MGAT4C: variants seen among roughly 807,000 people sequenced by gnomAD.
MGAT4C encodes alpha-1,3-mannosyl-glycoprotein 4-beta-N-acetylglucosaminyltransferase C.
Under a neutral mutation model 40.1 loss-of-function variants are expected in MGAT4C, and 19 were observed. The ratio of observed to expected loss-of-function variants is 0.47; its 90% CI spans 0.33 to 0.70. The LOEUF is 0.70. Among genes scored for constraint, MGAT4C ranks in the 30% least tolerant of loss-of-function variants. The probability of loss-of-function intolerance (pLI) is 0.02; values close to 1 mark genes in which losing one functional copy is unlikely to be tolerated. For missense variants in MGAT4C, 491 were observed against 563.2 expected (o/e 0.87, Z 1.30); for synonymous variants, 181 against 187.1 (o/e 0.97, Z 0.27).
chr12:86,584,748 G>A (rs10047643), intron 2 of MGAT4C, among the ~76,000 whole-genome samples: 128,633 of 151,140 alleles, frequency 0.85, 55,274 homozygotes, highest in East Asian at 0.96. Context: ...TTATTGGAAA[G>A]GTTATGATTG....
At chr12:86,645,659 C>T (rs1396593923) in intron 2 of MGAT4C, among the ~76,000 whole-genome samples, 2 of 151,754 alleles carry the variant, frequency 1.3e-5, no homozygotes, top group African/African-American at 4.8e-5. Flanking sequence ...TCTCATAAAT[C>T]TGTTTTAAAA....
intron 1 of MGAT4C, among the ~76,000 whole-genome samples, chr12:86,130,451 T>C (rs957501576): frequency 6.6e-6 from 1 of 151,980 alleles, no homozygotes; most frequent in African/African-American, 2.4e-5. Context: ...CTAGGAAAAA[T>C]AATATCTGTA....
intron 1 of MGAT4C, among the ~76,000 whole-genome samples, chr12:86,787,163 TC>T (rs1951943535): frequency 6.6e-6 from 1 of 152,078 alleles, no homozygotes; most frequent in Non-Finnish European, 1.5e-5. Flanking sequence ...CCTCACACCC[TC>T]CCACTAGTCT....
At chr12:86,572,198 A>C (rs937551710) in intron 2 of MGAT4C, among the ~76,000 whole-genome samples, 1 of 152,130 alleles carries the variant, frequency 6.6e-6, no homozygotes, top group Non-Finnish European at 1.5e-5. Context: ...TTAAACTAAA[A>C]ATGGGAATAC....
At chr12:86,757,787 C>T (rs1212415294) in intron 1 of MGAT4C, among the ~76,000 whole-genome samples, 1 of 152,148 alleles carries the variant, frequency 6.6e-6, no homozygotes, top group East Asian at 1.9e-4. Flanking sequence ...ACTTTGACCT[C>T]AAGGCACTGA....
chr12:86,054,319 A>G (rs957115092), intron 1 of MGAT4C, among the ~76,000 whole-genome samples: 1 of 152,066 alleles, frequency 6.6e-6, no homozygotes, highest in African/African-American at 2.4e-5. Flanking sequence ...ACCAAGCACA[A>G]AGAGACAGAT....
chr12:86,371,079 T>C (rs1955705928), intron 3 of MGAT4C, among the ~76,000 whole-genome samples: 1 of 152,030 alleles, frequency 6.6e-6, no homozygotes, highest in African/African-American at 2.4e-5. Flanking sequence ...ATTAATAAAA[T>C]TGTAAAAGGT....
intron 1 of MGAT4C, among the ~76,000 whole-genome samples, chr12:86,753,299 A>C (rs1593174838): frequency 1.3e-5 from 2 of 152,154 alleles, no homozygotes; most frequent in South Asian, 2.1e-4. Flanking sequence ...GCTACAAAGA[A>C]AAGCCTGAGC....
chr12:86,325,926 G>A (rs1265713798), intron 4 of MGAT4C, among the ~76,000 whole-genome samples: 1 of 151,858 alleles, frequency 6.6e-6, no homozygotes, highest in Non-Finnish European at 1.5e-5. Context: ...TCCCTATACA[G>A]TCATTTTTAT....
chr12:86,112,541 G>T (rs779955910), intron 1 of MGAT4C, among the ~76,000 whole-genome samples: 1 of 151,536 alleles, frequency 6.6e-6, no homozygotes, highest in Non-Finnish European at 1.5e-5. Context: ...CTCTTATTGT[G>T]CTCACCACTG....
At chr12:86,646,993 T>C (rs1304620782) in intron 2 of MGAT4C, among the ~76,000 whole-genome samples, 1 of 151,922 alleles carries the variant, frequency 6.6e-6, no homozygotes, top group Non-Finnish European at 1.5e-5. Flanking sequence ...TGGTTGCTCA[T>C]CAGTGCTTGG....
At chr12:86,622,416 G>A (rs1036805672) in intron 2 of MGAT4C, among the ~76,000 whole-genome samples, 26 of 152,144 alleles carry the variant, frequency 1.7e-4, no homozygotes, top group African/African-American at 6.3e-4. Context: ...GTCATAGAAA[G>A]TCTCATGTGA....
At chr12:86,701,055 T>C (rs780831803) in intron 2 of MGAT4C, among the ~76,000 whole-genome samples, 1 of 152,124 alleles carries the variant, frequency 6.6e-6, no homozygotes, top group Admixed American at 6.5e-5. Context: ...AGATCTTAAA[T>C]AGAAACCTAG....
At chr12:85,984,741 T>C (rs951199603) in intron 3 of MGAT4C, among the ~76,000 whole-genome samples, 1 of 152,078 alleles carries the variant, frequency 6.6e-6, no homozygotes, top group African/African-American at 2.4e-5. Context: ...TCTTTTTTTT[T>C]CTCAAAATGT....
intron 2 of MGAT4C, among the ~76,000 whole-genome samples, chr12:86,535,637 C>A (rs1429106707): frequency 2.0e-5 from 3 of 152,002 alleles, no homozygotes; most frequent in Non-Finnish European, 4.4e-5. Context: ...TAATGAGAAA[C>A]CTCCTTCAAC....
Position 85,959,850 on chromosome 12 carries a change from T to C in MGAT4C, c.*19439A>G, listed in dbSNP as rs1305931181. 2 of 152,008 alleles carry C rather than the reference T, an allele frequency of 1.3e-5. No homozygotes were observed. Among genetic ancestry groups the C allele is most frequent in the African/African-American group, 4.8e-5 (2 of 41,448 alleles). 9.4% of individuals were successfully genotyped at this position (152,008 alleles called of 1,614,324 possible). The stretch of plus-strand genomic sequence containing the variant: ...ACTTTTAGATAAAGTATTGATATTG[T>C]CATTTATCAATTTTATTATATGTCT... On this transcript the variant is annotated 3_prime_UTR_variant, in exon 5 of 5. Coordinates refer to ENST00000611864, the MANE Select transcript of MGAT4C (RefSeq NM_001351288.2).
At chr12:86,823,775 C>CTTA (rs1952749751) in intron 1 of MGAT4C, among the ~76,000 whole-genome samples, 2 of 150,978 alleles carry the variant, frequency 1.3e-5, no homozygotes, top group Non-Finnish European at 3.0e-5. Context: ...ACATTTTATC[C>CTTA]ATTTTTTAAA....
intron 2 of MGAT4C, among the ~76,000 whole-genome samples, chr12:86,615,083 T>G (rs1962407578): frequency 6.6e-6 from 1 of 151,940 alleles, no homozygotes; most frequent in African/African-American, 2.4e-5. Context: ...AGAATATAGG[T>G]ATTATATATG....
chr12:86,741,704 T>A (rs1951072500), intron 1 of MGAT4C, among the ~76,000 whole-genome samples: 1 of 151,358 alleles, frequency 6.6e-6, no homozygotes, highest in Non-Finnish European at 1.5e-5. Context: ...GCAAGAATAG[T>A]TTTGCTTGTG....
Sources: allele counts gnomAD v4.1 joint callset (sites outside exome capture counted in the v4.1 genomes callset), GRCh38; gene constraint gnomAD v4.1.1; transcripts MANE v1.5; gene names NCBI Gene and HGNC (gene_info 2026-07-23, HGNC 2026-07-21).